NBEA: variants seen among roughly 807,000 people sequenced by gnomAD.
NBEA encodes the protein lysosomal-trafficking regulator 2.
Under a neutral mutation model 343.4 loss-of-function variants are expected in NBEA, and 44 were observed. The observed-to-expected ratio is 0.13, with a 90% CI of 0.10 to 0.16. The LOEUF is 0.16. Ranked by LOEUF, NBEA falls within the 10% of genes least tolerant of loss-of-function variation. The pLI, the probability that NBEA is intolerant of heterozygous loss-of-function variation, is 1.00. For synonymous variants in NBEA, 1,175 were observed against 1,238.7 expected (o/e 0.95, Z 1.08); for missense variants, 2,555 against 3,631.3 (o/e 0.70, Z 7.62).
chr13:35,432,901 A>G (rs1019949496), intron 39 of NBEA, among the ~76,000 whole-genome samples: 1 of 152,002 alleles, frequency 6.6e-6, no homozygotes, highest in Non-Finnish European at 1.5e-5. Flanking sequence ...TATATATTAA[A>G]AAAGTTTTAT....
intron 36 of NBEA, among the ~76,000 whole-genome samples, chr13:35,327,487 G>A (rs948675399): frequency 3.3e-5 from 5 of 152,064 alleles, no homozygotes; most frequent in African/African-American, 1.2e-4. Context: ...CAATATCGAT[G>A]TAGCTAGATG....
At chr13:35,457,810 G>A (rs2046667194) in intron 40 of NBEA, among the ~76,000 whole-genome samples, 1 of 151,790 alleles carries the variant, frequency 6.6e-6, no homozygotes, top group Non-Finnish European at 1.5e-5. Context: ...GGGTTTCACC[G>A]TGTTAGCCGT....
chr13:35,078,634 A>G (rs546893417), intron 10 of NBEA, among the ~76,000 whole-genome samples: 1 of 152,316 alleles, frequency 6.6e-6, no homozygotes, highest in Non-Finnish European at 1.5e-5. Context: ...GCCATAGGCA[A>G]GGATTTATAA....
intron 47 of NBEA, among the ~76,000 whole-genome samples, chr13:35,605,117 A>G (rs2082233281): frequency 6.6e-6 from 1 of 152,234 alleles, no homozygotes; most frequent in African/African-American, 2.4e-5. Context: ...GATTTTAGAA[A>G]GATTTCTATT....
Position 35,118,639 on chromosome 13 carries a change from A to G in NBEA, c.2243+165A>G, listed in dbSNP as rs1206043733. 9.2e-5 allele frequency among the ~76,000 whole-genome samples: 14 copies of G among 152,160 alleles called. No homozygotes were observed. The South Asian group carries it at 2.9e-3, about 31-fold the overall frequency. On this transcript the variant is annotated intron_variant, in intron 16 of 58. Coordinates refer to ENST00000379939, the MANE Select transcript of NBEA (RefSeq NM_001385012.1). Reference sequence around the variant, plus strand: ...TGATCCTCGAATACTCAGGAAACTGATGAAGTGTATAAACAGTAGTCTCAG... The same window carrying G: ...TGATCCTCGAATACTCAGGAAACTGGTGAAGTGTATAAACAGTAGTCTCAG...
intron 1 of NBEA, among the ~76,000 whole-genome samples, chr13:34,973,262 C>T (rs1208600824): frequency 1.3e-5 from 2 of 151,996 alleles, no homozygotes; most frequent in African/African-American, 2.4e-5. Context: ...AGGTCTTGCC[C>T]AGTCAGGAGG....
chr13:35,001,964 C>T (rs950019116), intron 1 of NBEA, among the ~76,000 whole-genome samples: 1 of 152,062 alleles, frequency 6.6e-6, no homozygotes, highest in Admixed American at 6.6e-5. Flanking sequence ...AAATAGGTGA[C>T]AGTATATCCC....
chr13:35,016,795 T>G (rs545412804), intron 1 of NBEA, among the ~76,000 whole-genome samples: 1 of 152,184 alleles, frequency 6.6e-6, no homozygotes, highest in Non-Finnish European at 1.5e-5. Flanking sequence ...CTGAGAAGTA[T>G]AAGAAAGAGT....
chr13:34,964,341 T>C (rs1593298618), intron 1 of NBEA, among the ~76,000 whole-genome samples: 1 of 152,026 alleles, frequency 6.6e-6, no homozygotes, highest in African/African-American at 2.4e-5. Flanking sequence ...GCATCTTCAC[T>C]TGGCACATAA....
At chr13:35,010,424 A>G (rs927757308) in intron 1 of NBEA, among the ~76,000 whole-genome samples, 1 of 151,608 alleles carries the variant, frequency 6.6e-6, no homozygotes, top group Non-Finnish European at 1.5e-5. Context: ...CAAAAAGCGA[A>G]ACAAATATTA....
chr13:35,265,671 A>G (rs1437093114), intron 34 of NBEA, among the ~76,000 whole-genome samples: 2 of 151,898 alleles, frequency 1.3e-5, no homozygotes, highest in African/African-American at 4.8e-5. Flanking sequence ...AGAAAATAAA[A>G]TGAGACCCTC....
intron 38 of NBEA, among the ~76,000 whole-genome samples, chr13:35,381,755 T>G (rs532007141): frequency 3.9e-5 from 6 of 152,142 alleles, no homozygotes; most frequent in Admixed American, 3.9e-4. Context: ...CTGACCTGCC[T>G]TTGGTGATAA....
At chr13:35,066,380 A>T (rs1159450780) in intron 8 of NBEA, among the ~76,000 whole-genome samples, 1 of 152,120 alleles carries the variant, frequency 6.6e-6, no homozygotes, top group Non-Finnish European at 1.5e-5. Flanking sequence ...TTATGAATGG[A>T]AAGTTGAGTA....
chr13:35,367,153 T>G (rs900892977), intron 38 of NBEA, among the ~76,000 whole-genome samples: 4 of 151,280 alleles, frequency 2.6e-5, no homozygotes, highest in African/African-American at 9.7e-5. Context: ...ATAGAATTAT[T>G]ATTATAGAAT....
intron 10 of NBEA, among the ~76,000 whole-genome samples, chr13:35,093,112 C>T (rs1465073383): frequency 1.1e-4 from 17 of 151,924 alleles, no homozygotes; most frequent in African/African-American, 4.1e-4. Flanking sequence ...CCATCTATGT[C>T]ACATTCTTGA....
intron 47 of NBEA, among the ~76,000 whole-genome samples, chr13:35,593,678 C>G (rs747986469): frequency 6.6e-6 from 1 of 151,918 alleles, no homozygotes; most frequent in Non-Finnish European, 1.5e-5. Flanking sequence ...AAATTCCTAC[C>G]TAATTTAGAT....
intron 46 of NBEA, among the ~76,000 whole-genome samples, chr13:35,587,740 A>G (rs1056374307): frequency 1.3e-5 from 2 of 152,196 alleles, no homozygotes; most frequent in African/African-American, 4.8e-5. Context: ...ATCCCTAATC[A>G]GCTAAACACT....
At chr13:35,331,780 AAGAAT>A (rs1445064735) in intron 36 of NBEA, among the ~76,000 whole-genome samples, 2 of 152,044 alleles carry the variant, frequency 1.3e-5, no homozygotes, top group Non-Finnish European at 2.9e-5. Context: ...TTAAACAGAA[AAGAAT>A]AGGACTGGAT....
At chr13:35,144,596 CTTA>C (rs1056111263) in intron 18 of NBEA, among the ~76,000 whole-genome samples, 1 of 152,272 alleles carries the variant, frequency 6.6e-6, no homozygotes, top group Middle Eastern at 3.4e-3. Context: ...TGCAACCACC[CTTA>C]TTATTCCTGT....
Sources: allele counts gnomAD v4.1 joint callset (sites outside exome capture counted in the v4.1 genomes callset), GRCh38; gene constraint gnomAD v4.1.1; transcripts MANE v1.5; gene names NCBI Gene and HGNC (gene_info 2026-07-23, HGNC 2026-07-21).